Variants in SH3BP4 observed in about 807,000 individuals in gnomAD.
SH3BP4 encodes the protein SH3 domain-binding protein 4.
In SH3BP4, 33 loss-of-function variants were observed where a neutral mutation model predicts 65.5. That is an observed-to-expected ratio of 0.50 (90% CI 0.38 to 0.67). The LOEUF (loss-of-function observed/expected upper bound fraction) is 0.67. Among genes scored for constraint, SH3BP4 ranks in the 30% least tolerant of loss-of-function variants. The pLI is 0.00. For missense variants in SH3BP4, 1,134 were observed against 1,261.4 expected (o/e 0.90, Z 1.53); for synonymous variants, 552 against 545.5 (o/e 1.01, Z -0.17).
chr2:235,042,147 A>C lies in SH3BP4; in HGVS notation c.1378A>C (p.Ile460Leu). ...GGCTGTCGTGGCCCATGGCCCAAGC[A>C]TCCTCTACCCTTCCACCGTGTGGGA... The part of the protein sequence containing the change: ...YVAVVAHGPS[I>L]LYPSTVWDFI... Residue 460 changes from isoleucine (I) to leucine (L), a missense_variant, in exon 4 of 6, where the codon ATC (isoleucine) becomes CTC (leucine). Physicochemically the swap from Ile to Leu is conservative, Grantham distance 5. Coordinates refer to ENST00000392011, the MANE Select transcript of SH3BP4 (RefSeq NM_014521.3). The surrounding 1 kb of genome is among the most constrained non-coding windows in gnomAD (Gnocchi z 7.3). The C allele has an allele frequency of 6.2e-7, 1 of 1,614,074 alleles. No homozygotes were observed. Among genetic ancestry groups the C allele is most frequent in the South Asian group, 1.1e-5 (1 of 91,078 alleles).
At chr2:234,962,559 A>G (rs1417351537) in intron 1 of SH3BP4, among the ~76,000 whole-genome samples, 1 of 152,220 alleles carries the variant, frequency 6.6e-6, no homozygotes. Context: ...TAAAAAGAAA[A>G]AAAATCACAT....
chr2:234,988,073 T>C (rs568150385), intron 1 of SH3BP4, among the ~76,000 whole-genome samples: 3 of 152,282 alleles, frequency 2.0e-5, no homozygotes, highest in East Asian at 1.9e-4. Flanking sequence ...CATTTTTTTT[T>C]CTTTGAGTCA....
chr2:235,019,346 GT>G (rs1202756923), intron 2 of SH3BP4, among the ~76,000 whole-genome samples: 2 of 152,058 alleles, frequency 1.3e-5, no homozygotes, highest in Non-Finnish European at 1.5e-5. Context: ...ACTGGACACA[GT>G]GGGCTGGATT....
rs115279195 is a variant in SH3BP4, at chr2:234,974,411, G to A, written c.-206-20892G>A. ...AGAAAGAGAGATTTGTGAAGGTCATGAGTTCCAGCCCATTTCACTGCTCCA... is the reference window on the plus strand; with the variant it reads ...AGAAAGAGAGATTTGTGAAGGTCATAAGTTCCAGCCCATTTCACTGCTCCA... On this transcript the variant is annotated intron_variant, in intron 1 of 5. Coordinates refer to ENST00000392011, the MANE Select transcript of SH3BP4 (RefSeq NM_014521.3). This position sits in a 1 kb window ranked among gnomAD's most constrained non-coding sequence, Gnocchi z 4.6. 0.037 allele frequency among the ~76,000 whole-genome samples: 5,652 copies of A among 152,230 alleles called. 336 individuals carry two copies. The highest frequency in any genetic ancestry group is 0.12 in the African/African-American group (5,182 of 41,542).
rs1398305575 is a variant in SH3BP4 at position 235,035,640 on chromosome 2, A to G, written c.118+520A>G. Among the ~76,000 whole-genome samples the G allele has an allele frequency of 6.6e-6, 1 of 152,168 alleles. No homozygotes were observed. Among genetic ancestry groups the G allele is most frequent in the African/African-American group, 2.4e-5 (1 of 41,426 alleles). On this transcript the variant is annotated intron_variant, in intron 3 of 5. Transcript: ENST00000392011. This position sits in a 1 kb window ranked among gnomAD's most constrained non-coding sequence, Gnocchi z 5.0. ...TAGCCAGAGTCGTGTTTCCAAGACA[A>G]CTTTTTTTTTGCAGACAGCCCCATT...
At chr2:235,000,717 C>T (rs867806777) in intron 2 of SH3BP4, among the ~76,000 whole-genome samples, 7 of 152,342 alleles carry the variant, frequency 4.6e-5, no homozygotes, top group Middle Eastern at 3.4e-3. Context: ...TGAAAGATCA[C>T]AGAGCCCAGC....
intron 4 of SH3BP4, among the ~76,000 whole-genome samples, chr2:235,051,164 T>A (rs1696038867): frequency 6.6e-6 from 1 of 152,182 alleles, no homozygotes; most frequent in Non-Finnish European, 1.5e-5. Context: ...GGTGACGTCA[T>A]CCTGACTGGC....
At chr2:234,962,619 G>A (rs181532070) in intron 1 of SH3BP4, among the ~76,000 whole-genome samples, 5 of 152,208 alleles carry the variant, frequency 3.3e-5, no homozygotes, top group South Asian at 2.1e-4. Context: ...TTTCATATGC[G>A]TCTTTCAGAT....
chr2:235,024,783 G>T (rs1214161689), intron 2 of SH3BP4, among the ~76,000 whole-genome samples: 1 of 152,152 alleles, frequency 6.6e-6, no homozygotes, highest in African/African-American at 2.4e-5. Flanking sequence ...GATTGATAAA[G>T]AAGTATTAAT....
chr2:234,964,158 G>A (rs1692781757), intron 1 of SH3BP4, among the ~76,000 whole-genome samples: 1 of 152,184 alleles, frequency 6.6e-6, no homozygotes, highest in African/African-American at 2.4e-5. Context: ...CAGCTATGGG[G>A]ATAAGGGACT....
In SH3BP4 at chr2:235,052,221, A is replaced by C. The variant is rs1696078741; in HGVS notation, c.2479-341A>C. Among the ~76,000 whole-genome samples the C allele has an allele frequency of 6.6e-6, 1 of 151,884 alleles. No individual in the cohort carries two copies. Among genetic ancestry groups the C allele is most frequent in the South Asian group, 2.1e-4 (1 of 4,792 alleles). ...GCCTCTCTGTCTGCTTTCTCTTCTT[A>C]TGAAGACGCCAGTCCTTGGTGACTT... On this transcript the variant is annotated intron_variant, in intron 4 of 5. Transcript: ENST00000392011. This position sits in a 1 kb window ranked among gnomAD's most constrained non-coding sequence, Gnocchi z 5.0.
At chr2:234,963,754 G>A (rs1255460252) in intron 1 of SH3BP4, among the ~76,000 whole-genome samples, 2 of 152,182 alleles carry the variant, frequency 1.3e-5, no homozygotes, top group African/African-American at 4.8e-5. Flanking sequence ...AGCTGTTGTT[G>A]TAAGCTTCTC....
At chr2:235,047,307 T>A (rs983303791) in intron 4 of SH3BP4, among the ~76,000 whole-genome samples, 5 of 152,098 alleles carry the variant, frequency 3.3e-5, no homozygotes, top group Non-Finnish European at 5.9e-5. Flanking sequence ...GTACAAAAAA[T>A]GGTGGCAGTG....
At chr2:234,982,681 G>A (rs1230013591) in intron 1 of SH3BP4, among the ~76,000 whole-genome samples, 1 of 152,102 alleles carries the variant, frequency 6.6e-6, no homozygotes, top group African/African-American at 2.4e-5. Flanking sequence ...GGACCAAGGA[G>A]GCATTCCCTA....
chr2:235,005,979 G>A (rs1348147791), intron 2 of SH3BP4, among the ~76,000 whole-genome samples: 1 of 152,252 alleles, frequency 6.6e-6, no homozygotes, highest in African/African-American at 2.4e-5. Flanking sequence ...AGGCGCCAGA[G>A]GGAGGTTTTG....
At chr2:234,970,773 T>A (rs1559227101) in intron 1 of SH3BP4, among the ~76,000 whole-genome samples, 1 of 152,234 alleles carries the variant, frequency 6.6e-6, no homozygotes, top group African/African-American at 2.4e-5. Context: ...TGTGTCGTTT[T>A]CTTTTTTGTT....
intron 1 of SH3BP4, among the ~76,000 whole-genome samples, chr2:234,962,834 T>C (rs144840610): frequency 6.6e-6 from 1 of 152,092 alleles, no homozygotes; most frequent in African/African-American, 2.4e-5. Flanking sequence ...CAAGCGATTC[T>C]CCCGCCTCAG....
chr2:234,953,031 G>T (rs1446095824), intron 1 of SH3BP4: 1 of 152,304 alleles, frequency 6.6e-6, no homozygotes, highest in African/African-American at 2.4e-5. Context: ...CGGGAGAGCC[G>T]CCGGACTCAG....
intron 2 of SH3BP4, among the ~76,000 whole-genome samples, chr2:235,012,703 G>A (rs905011960): frequency 2.0e-5 from 3 of 152,162 alleles, no homozygotes; most frequent in Non-Finnish European, 4.4e-5. Flanking sequence ...AGTGCATTAC[G>A]CACATCTAAC....
Sources: gnomAD v4.1 joint callset for allele counts (sites outside exome capture counted in the v4.1 genomes callset) on GRCh38, gnomAD v4.1.1 for gene constraint, Gnocchi (gnomAD v3.1) non-coding constraint, MANE v1.5 for transcripts, NCBI Gene and HGNC (gene_info 2026-07-23, HGNC 2026-07-21) for gene names.